Variants in DACH2 observed in about 807,000 individuals in gnomAD.
DACH2 encodes the protein dachshund homolog 2.
Under a neutral mutation model 35.8 loss-of-function variants are expected in DACH2, and 17 were observed. The ratio of observed to expected loss-of-function variants is 0.48; its 90% confidence interval spans 0.33 to 0.71. The LOEUF (loss-of-function observed/expected upper bound fraction) is 0.71, where lower values mean the gene tolerates loss of function less well. DACH2 is among the 30% of genes least tolerant of loss of function. The probability of loss-of-function intolerance (pLI) is 0.02; values close to 1 mark genes in which losing one functional copy is unlikely to be tolerated. For missense variants in DACH2, 469 were observed against 472.7 expected (o/e 0.99, Z 0.07); for synonymous variants, 195 against 177.3 (o/e 1.10, Z -0.79).
chrX:86,651,230 G>A (rs1680101025), intron 4 of DACH2, 63 bp downstream of exon 4: 1 of 1,108,281 alleles, frequency 9.0e-7, no homozygotes, highest in Admixed American at 2.5e-5. Context: ...GCAGGAGAGA[G>A]GTGGGATGAG....
chrX:86,556,795 T>TAGAGAGAGAG lies in DACH2; in HGVS notation c.640+42430_640+42439dup, dbSNP rs1194704943. The stretch of plus-strand genomic sequence containing the variant: ...ATATATATATATATATATATATATA[T>TAGAGAGAGAG]AGAGAGAGAGAGAGAGAGAGAGAGA... On this transcript the variant is annotated intron_variant, in intron 3 of 11. Coordinates refer to ENST00000373125, the MANE Select transcript of DACH2 (RefSeq NM_053281.3). 3.4e-3 allele frequency among the ~76,000 whole-genome samples: 85 copies of TAGAGAGAGAG among 25,254 alleles called. 2 individuals carry two copies. The highest frequency in any genetic ancestry group is 4.3e-3 in the Admixed American group (6 of 1,402). 21.9% of individuals were successfully genotyped at this position (25,254 alleles called of 115,157 possible).
intron 1 of DACH2, among the ~76,000 whole-genome samples, chrX:86,335,092 G>T (rs760492919): frequency 1.8e-5 from 2 of 111,047 alleles, no homozygotes; most frequent in South Asian, 7.6e-4. Context: ...TATTTCCGAG[G>T]CCTCTGTTCT....
At chrX:86,235,800 A>G (rs922249089) in intron 1 of DACH2, among the ~76,000 whole-genome samples, 1 of 111,607 alleles carries the variant, frequency 9.0e-6, no homozygotes, top group African/African-American at 3.3e-5. Flanking sequence ...ATCCAAAATA[A>G]TCTGAAATTC....
chrX:86,533,197 G>A (rs1040696383), intron 3 of DACH2, among the ~76,000 whole-genome samples: 43 of 111,267 alleles, frequency 3.9e-4, no homozygotes, highest in African/African-American at 1.3e-3. Flanking sequence ...CTATGGGAAT[G>A]TGACATCATG....
chrX:86,399,894 G>A lies in DACH2; in HGVS notation c.527+23032G>A, dbSNP rs369514362. On this transcript the variant is annotated intron_variant, in intron 2 of 11. Coordinates refer to ENST00000373125, the MANE Select transcript of DACH2 (RefSeq NM_053281.3). ...TGTTCTTCTGGAGTATGTTTGTGGC[G>A]TTCTCTGTGTTTCCTGAATTTGAGT... 2.4e-4 allele frequency among the ~76,000 whole-genome samples: 27 copies of A among 111,216 alleles called. No individual in the cohort carries two copies. In the East Asian group the frequency reaches 5.1e-3, roughly 21 times the overall value.
intron 2 of DACH2, among the ~76,000 whole-genome samples, chrX:86,485,431 T>C (rs961832366): frequency 8.1e-5 from 9 of 111,313 alleles, no homozygotes; most frequent in Non-Finnish European, 1.5e-4. Flanking sequence ...TACAGTTAGA[T>C]AGGAAGGATA....
intron 3 of DACH2, among the ~76,000 whole-genome samples, chrX:86,595,868 G>GAA (rs2039705515): frequency 9.1e-6 from 1 of 110,253 alleles, no homozygotes; most frequent in Non-Finnish European, 1.9e-5. Flanking sequence ...TTCAAGACCT[G>GAA]AAAGTGAAAC....
At chrX:86,598,719 A>G (rs1428725776) in intron 3 of DACH2, among the ~76,000 whole-genome samples, 1 of 110,434 alleles carries the variant, frequency 9.1e-6, no homozygotes, top group East Asian at 2.9e-4. Flanking sequence ...TGTATTTAAG[A>G]GTACCCTTAA....
chrX:86,643,247 T>A (rs1431692649), intron 3 of DACH2, among the ~76,000 whole-genome samples: 5 of 91,970 alleles, frequency 5.4e-5, no homozygotes, highest in Admixed American at 2.4e-4. Context: ...AGAGAGAAGA[T>A]CCAAATAAAC....
At chrX:86,367,689 T>G (rs1484301351) in intron 1 of DACH2, among the ~76,000 whole-genome samples, 2 of 111,519 alleles carry the variant, frequency 1.8e-5, no homozygotes, top group Non-Finnish European at 3.8e-5. Context: ...GTTAATGGCC[T>G]AGTCGGGACC....
chrX:86,572,489 C>T (rs577574893), intron 3 of DACH2, among the ~76,000 whole-genome samples: 148 of 111,813 alleles, frequency 1.3e-3, no homozygotes, highest in South Asian at 2.6e-3. Context: ...TTAGGAATAA[C>T]AGCAGTTTCA....
In DACH2 at chrX:86,706,406, G is replaced by A. The variant is rs1040842140; in HGVS notation, c.932-8142G>A. Among the ~76,000 whole-genome samples, 3 of 111,221 alleles carry A rather than the reference G, an allele frequency of 2.7e-5. No individual in the cohort carries two copies. The East Asian group carries it at 8.4e-4, about 31-fold the overall frequency. On this transcript the variant is annotated intron_variant, in intron 5 of 11. Transcript: ENST00000373125. Reference sequence around the variant, plus strand: ...ATAAGGTATTTTTAGTACCCTTAAAGTAGTATAGTGGTATTTGTAAATGGA... The same window carrying A: ...ATAAGGTATTTTTAGTACCCTTAAAATAGTATAGTGGTATTTGTAAATGGA...
At chrX:86,739,652 T>TA in intron 6 of DACH2, 95 bp from the exon 7 acceptor site, 1 of 1,027,248 alleles carries the variant, frequency 9.7e-7, no homozygotes, top group Non-Finnish European at 1.3e-6. Flanking sequence ...ACTTTCACAA[T>TA]AAGTGAGAGG....
At chrX:86,280,004 A>G (rs188645661) in intron 1 of DACH2, among the ~76,000 whole-genome samples, 2 of 110,770 alleles carry the variant, frequency 1.8e-5, no homozygotes, top group African/African-American at 6.6e-5. Context: ...GATGGGGAAA[A>G]TGGAAACAAG....
chrX:86,200,013 C>A (rs1380611621), intron 1 of DACH2, among the ~76,000 whole-genome samples: 1 of 111,723 alleles, frequency 9.0e-6, no homozygotes, highest in Admixed American at 9.5e-5. Flanking sequence ...GTGAACAAAG[C>A]TGGAAGCATC....
Position 86,755,025 on chromosome X carries a change from A to C in DACH2, c.1240+15143A>C, listed in dbSNP as rs748022792. ...CCATACTGTTTTCCATAGTAGCTGTACTAATTTATATTCCCACTAACAGTA... is the reference window on the plus strand; with the variant it reads ...CCATACTGTTTTCCATAGTAGCTGTCCTAATTTATATTCCCACTAACAGTA... On this transcript the variant is annotated intron_variant, in intron 7 of 11. Transcript: ENST00000373125. Among the ~76,000 whole-genome samples, 8 of 111,734 alleles carry C rather than the reference A, an allele frequency of 7.2e-5. No homozygotes were observed. The East Asian group carries it at 2.3e-3, about 32-fold the overall frequency.
chrX:86,653,254 T>C (rs1889334007), intron 4 of DACH2, among the ~76,000 whole-genome samples: 2 of 112,263 alleles, frequency 1.8e-5, no homozygotes, highest in South Asian at 7.3e-4. Flanking sequence ...TCTGTGACTT[T>C]ATTTCTGGGT....
intron 1 of DACH2, among the ~76,000 whole-genome samples, chrX:86,305,892 A>T (rs2034676818): frequency 8.9e-6 from 1 of 112,026 alleles, no homozygotes; most frequent in South Asian, 3.7e-4. Flanking sequence ...AACCACAATG[A>T]GATGTCATCT....
chrX:86,504,564 T>A (rs2081280807), intron 2 of DACH2, among the ~76,000 whole-genome samples: 1 of 110,085 alleles, frequency 9.1e-6, no homozygotes, highest in Non-Finnish European at 1.9e-5. Flanking sequence ...ATCTTAACTA[T>A]TTTTAAGTGT....
Sources: gnomAD v4.1 joint callset for allele counts (sites outside exome capture counted in the v4.1 genomes callset) on GRCh38, gnomAD v4.1.1 for gene constraint, MANE v1.5 for transcripts, NCBI Gene and HGNC (gene_info 2026-07-23, HGNC 2026-07-21) for gene names.